The following TBXAS1 variants were observed in gnomAD, a reference collection of about 807,000 sequenced individuals.
TBXAS1 encodes thromboxane A synthase 1.
A neutral mutation model predicts 60.7 loss-of-function variants in TBXAS1; 48 were observed. The ratio of observed to expected loss-of-function variants is 0.79; its 90% CI spans 0.63 to 1.01. The LOEUF is 1.01. TBXAS1 is among the 50% of genes least tolerant of loss of function. TBXAS1 has a pLI of 0.00. For missense variants in TBXAS1, 685 were observed against 686.3 expected, an observed-to-expected ratio of 1.00 and a Z score of 0.02; for synonymous variants, 287 against 269.7, an observed-to-expected ratio of 1.06 and a Z score of -0.63.
At chr7:140,009,557 C>A (rs1018729293) in intron 10 of TBXAS1, among the ~76,000 whole-genome samples, 3 of 151,126 alleles carry the variant, frequency 2.0e-5, no homozygotes, top group Non-Finnish European at 4.4e-5. Context: ...GCCCCTTCCC[C>A]ACACATGCCC....
intron 1 of TBXAS1, among the ~76,000 whole-genome samples, chr7:139,859,969 C>CGT (rs1481845850): frequency 1.3e-5 from 2 of 152,026 alleles, no homozygotes; most frequent in Non-Finnish European, 2.9e-5. Flanking sequence ...TAAAACCCTA[C>CGT]CTCTACTAAA....
intron 5 of TBXAS1, among the ~76,000 whole-genome samples, chr7:139,942,737 G>A (rs1305481233): frequency 1.3e-5 from 2 of 152,194 alleles, no homozygotes; most frequent in African/African-American, 4.8e-5. Flanking sequence ...AGAAAAGTCA[G>A]ATAAAATGGG....
At chr7:139,974,643 T>C (rs1368575324) in intron 9 of TBXAS1, among the ~76,000 whole-genome samples, 2 of 152,198 alleles carry the variant, frequency 1.3e-5, no homozygotes, top group Non-Finnish European at 2.9e-5. Flanking sequence ...GTCACCAAGA[T>C]TAAACGAGTT....
At chr7:139,951,937 G>GAA (rs1317111701) in intron 5 of TBXAS1, among the ~76,000 whole-genome samples, 696 of 28,880 alleles carry the variant, frequency 0.024, 80 homozygotes, top group Middle Eastern at 0.043. Flanking sequence ...AAGAGAGAAA[G>GAA]AAGGAAAGAA....
chr7:139,843,984 G>T (rs576690365), intron 1 of TBXAS1, among the ~76,000 whole-genome samples: 1 of 152,204 alleles, frequency 6.6e-6, no homozygotes, highest in African/African-American at 2.4e-5. Flanking sequence ...TGCAATCGTC[G>T]AATGCTGAAG....
intron 5 of TBXAS1, 32 bp from the exon 6 acceptor site, chr7:139,953,336 G>T: frequency 6.3e-7 from 1 of 1,581,514 alleles, no homozygotes; most frequent in South Asian, 1.1e-5. Context: ...CCGGCATGGT[G>T]CCCTAATTAC....
intron 9 of TBXAS1, among the ~76,000 whole-genome samples, chr7:139,979,284 C>T (rs1215203198): frequency 2.6e-5 from 4 of 152,086 alleles, no homozygotes; most frequent in Admixed American, 2.6e-4. Context: ...AAATCCCTAA[C>T]GACATTAGAG....
At chr7:139,844,504 G>A (rs1799674070) in intron 1 of TBXAS1, among the ~76,000 whole-genome samples, 1 of 152,198 alleles carries the variant, frequency 6.6e-6, no homozygotes, top group Non-Finnish European at 1.5e-5. Context: ...CAGCATTAGT[G>A]TACCAAATTA....
intron 1 of TBXAS1, chr7:139,780,730 C>T (rs558357625): frequency 1.3e-5 from 2 of 154,290 alleles, no homozygotes; most frequent in South Asian, 4.1e-4. Flanking sequence ...TTTGTCTCAT[C>T]TTTCCTTAGG....
intron 2 of TBXAS1, among the ~76,000 whole-genome samples, chr7:139,874,772 G>A (rs572262105): frequency 4.6e-5 from 7 of 151,666 alleles, no homozygotes; most frequent in South Asian, 2.1e-4. Context: ...CCACCCCTCC[G>A]TCAACCCAGC....
intron 1 of TBXAS1, among the ~76,000 whole-genome samples, chr7:139,865,608 GGAGGAGGAGGAA>G (rs1801297031): frequency 1.1e-5 from 1 of 88,688 alleles, no homozygotes; most frequent in South Asian, 4.2e-4. Context: ...AGGAGGAAGA[GGAGGAGGAGGAA>G]GAGGAGGAGG....
intron 4 of TBXAS1, among the ~76,000 whole-genome samples, chr7:139,823,144 C>A (rs1185031978): frequency 6.6e-6 from 1 of 151,728 alleles, no homozygotes; most frequent in Non-Finnish European, 1.5e-5. Context: ...GCTCAAATGT[C>A]ATTAGATTCA....
chr7:139,910,236 G>C (rs1395039547), intron 3 of TBXAS1, among the ~76,000 whole-genome samples: 1 of 152,140 alleles, frequency 6.6e-6, no homozygotes, highest in Admixed American at 6.6e-5. Context: ...CAGTACTTTT[G>C]TAAGTATAAT....
intron 4 of TBXAS1, among the ~76,000 whole-genome samples, chr7:139,918,689 C>T (rs1338966656): frequency 6.6e-6 from 1 of 152,208 alleles, no homozygotes; most frequent in Non-Finnish European, 1.5e-5. Context: ...TCAGGCAGGA[C>T]TGCCATAATT....
At chr7:139,946,709 C>T (rs1044173239) in intron 5 of TBXAS1, among the ~76,000 whole-genome samples, 6 of 152,170 alleles carry the variant, frequency 3.9e-5, no homozygotes, top group Non-Finnish European at 8.8e-5. Flanking sequence ...TTACACCACT[C>T]CCTGCTTTCT....
chr7:139,842,542 G>A (rs1799520300), intron 1 of TBXAS1, among the ~76,000 whole-genome samples: 1 of 152,244 alleles, frequency 6.6e-6, no homozygotes, highest in African/African-American at 2.4e-5. Context: ...CTGGACATGG[G>A]AATGAGACTG....
intron 1 of TBXAS1, among the ~76,000 whole-genome samples, chr7:139,866,160 T>G (rs576420535): frequency 1.3e-4 from 20 of 152,282 alleles, no homozygotes; most frequent in African/African-American, 4.6e-4. Context: ...TGGAAAGCAA[T>G]TAGATATTAC....
Position 139,810,129 on chromosome 7 carries a change from C to G in TBXAS1, c.-79-19183C>G, listed in dbSNP as rs146019080. Among the ~76,000 whole-genome samples the G allele has an allele frequency of 8.3e-3, 1,243 of 149,950 alleles. 18 individuals are homozygous for G. The highest frequency in any genetic ancestry group is 0.029 in the African/African-American group (1,190 of 40,682). The stretch of plus-strand genomic sequence containing the variant: ...TCGGCTCACTGCAACCTCTGTTTCA[C>G]GGGCTCAATCAATTCTCCAACCTCA... On this transcript the variant is annotated intron_variant, in intron 4 of 16. Transcript: ENST00000336425.
intron 9 of TBXAS1, among the ~76,000 whole-genome samples, chr7:139,990,518 C>A (rs1450381661): frequency 2.6e-5 from 4 of 152,118 alleles, no homozygotes; most frequent in African/African-American, 9.7e-5. Context: ...GGCACGGGAA[C>A]CCTCCTGTCC....
Sources: allele counts gnomAD v4.1 joint callset (sites outside exome capture counted in the v4.1 genomes callset), GRCh38; gene constraint gnomAD v4.1.1; transcripts MANE v1.5; gene names NCBI Gene and HGNC (gene_info 2026-07-23, HGNC 2026-07-21).